PDZRN3: variants seen among roughly 807,000 people sequenced by gnomAD.
PDZRN3 encodes E3 ubiquitin-protein ligase PDZRN3.
In PDZRN3, 38 loss-of-function variants were observed where a neutral mutation model predicts 85.7. That is an observed-to-expected ratio of 0.44 (90% CI 0.34 to 0.58). The LOEUF is 0.58. Among genes scored for constraint, PDZRN3 ranks in the 20% least tolerant of loss-of-function variants. The probability of loss-of-function intolerance (pLI) is 0.01; values close to 1 mark genes in which losing one functional copy is unlikely to be tolerated. For synonymous variants in PDZRN3, 759 were observed against 638.0 expected (o/e 1.19, Z -2.86); for missense variants, 1,629 against 1,506.4 (o/e 1.08, Z -1.35).
At chr3:73,421,556 C>T (rs897751178) in intron 3 of PDZRN3, among the ~76,000 whole-genome samples, 6 of 152,212 alleles carry the variant, frequency 3.9e-5, no homozygotes, top group African/African-American at 1.4e-4. Flanking sequence ...AAATGGAATC[C>T]TTCTCCTGCT....
At chr3:73,483,338 T>C (rs1162702802) in intron 3 of PDZRN3, among the ~76,000 whole-genome samples, 1 of 152,178 alleles carries the variant, frequency 6.6e-6, no homozygotes, top group East Asian at 1.9e-4. Context: ...CTTAAACCCT[T>C]TTAGTTAGAT....
chr3:73,435,785 G>GT (rs1575652614), intron 3 of PDZRN3, among the ~76,000 whole-genome samples: 1 of 152,246 alleles, frequency 6.6e-6, no homozygotes, highest in East Asian at 1.9e-4. Context: ...TCCCTACACA[G>GT]TTGCCAGGCT....
intron 5 of PDZRN3, among the ~76,000 whole-genome samples, chr3:73,398,270 T>C (rs1701680197): frequency 1.3e-5 from 2 of 152,104 alleles, no homozygotes. Context: ...GTGGACAATA[T>C]TCGTGACTTG....
rs545620033 is a variant in PDZRN3, at chr3:73,506,787, C to T, written c.918+95567G>A. Among the ~76,000 whole-genome samples, 21 of 151,898 alleles carry T rather than the reference C, an allele frequency of 1.4e-4. No homozygotes were observed. In the South Asian group the frequency reaches 4.4e-3, roughly 32 times the overall value. On this transcript the variant is annotated intron_variant, in intron 3 of 9. Coordinates refer to ENST00000263666, the MANE Select transcript of PDZRN3 (RefSeq NM_015009.3). ...CAGGCACGGTGGCTCATGCCTGTAACCCCAGTACTTAGGGAGGTTGACGCA... is the reference window on the plus strand; with the variant it reads ...CAGGCACGGTGGCTCATGCCTGTAATCCCAGTACTTAGGGAGGTTGACGCA...
At chr3:73,463,532 A>G (rs1357719679) in intron 3 of PDZRN3, among the ~76,000 whole-genome samples, 1 of 152,212 alleles carries the variant, frequency 6.6e-6, no homozygotes, top group Non-Finnish European at 1.5e-5. Flanking sequence ...AAAATAACAG[A>G]TGCTGGCAAG....
intron 3 of PDZRN3, among the ~76,000 whole-genome samples, chr3:73,449,617 G>C (rs974509343): frequency 2.6e-5 from 4 of 152,050 alleles, no homozygotes; most frequent in African/African-American, 9.7e-5. Flanking sequence ...TTAAATAAGC[G>C]AACAACGCGT....
chr3:73,547,614 T>G (rs1170764062), intron 3 of PDZRN3, among the ~76,000 whole-genome samples: 1 of 152,240 alleles, frequency 6.6e-6, no homozygotes, highest in East Asian at 1.9e-4. Flanking sequence ...GAGGCTCAGC[T>G]GGAAATAACT....
At chr3:73,441,468 C>T (rs34717482) in intron 3 of PDZRN3, among the ~76,000 whole-genome samples, 15,346 of 139,794 alleles carry the variant, frequency 0.11, 1,065 homozygotes, top group Middle Eastern at 0.22. Flanking sequence ...CTGTACCAAA[C>T]GAGGCTGTGT....
In PDZRN3 at chr3:73,465,591, G is replaced by A. The variant is rs570056182; in HGVS notation, c.919-61196C>T. On this transcript the variant is annotated intron_variant, in intron 3 of 9. Coordinates refer to ENST00000263666, the MANE Select transcript of PDZRN3 (RefSeq NM_015009.3). ...TTATACAATGATGAAGCTAGCCCGC[G>A]GATGAGAAAACGGCTACCAGGAAGT... Among the ~76,000 whole-genome samples, 267 of 152,304 alleles carry A rather than the reference G, an allele frequency of 1.8e-3. 3 individuals are homozygous for A. The Middle Eastern group carries it at 0.058, about 33-fold the overall frequency.
At position 73,384,847 on chromosome 3, in the gene PDZRN3, C is replaced by G. The variant is rs1559647516; in HGVS notation, c.1719G>C (p.Arg573=). The change falls in exon 10 of 10, where the codon CGG becomes CGC. Residue 573 remains arginine, a synonymous_variant. Coordinates refer to ENST00000263666, the MANE Select transcript of PDZRN3 (RefSeq NM_015009.3). ...CGTCATTACGGGTGCTCTCGTCGGT[C>G]CGCCCCACACCGCTGTCCTTCTCGT... ...NQHEKDSGVG[R]TDESTRNDES... 5 of 1,614,172 alleles carry G rather than the reference C, an allele frequency of 3.1e-6. No homozygotes were observed. The highest frequency in any genetic ancestry group is 2.2e-5 in the East Asian group (1 of 44,874).
chr3:73,388,421 G>A (rs1004611517), intron 7 of PDZRN3, among the ~76,000 whole-genome samples: 1 of 152,154 alleles, frequency 6.6e-6, no homozygotes, highest in South Asian at 2.1e-4. Flanking sequence ...TCAGGCAGGA[G>A]TATATGTAGA....
intron 3 of PDZRN3, among the ~76,000 whole-genome samples, chr3:73,458,915 C>T (rs752698142): frequency 3.2e-4 from 49 of 151,534 alleles, no homozygotes; most frequent in Non-Finnish European, 5.4e-4. Context: ...TCGATTCAAC[C>T]CGGGAGGTGG....
chr3:73,476,522 A>T (rs1703451873), intron 3 of PDZRN3, among the ~76,000 whole-genome samples: 1 of 152,140 alleles, frequency 6.6e-6, no homozygotes, highest in Non-Finnish European at 1.5e-5. Flanking sequence ...CACAGAGCCA[A>T]ACCATATCAG....
intron 3 of PDZRN3, among the ~76,000 whole-genome samples, chr3:73,429,144 C>T (rs774035722): frequency 2.0e-5 from 3 of 152,086 alleles, no homozygotes; most frequent in East Asian, 1.9e-4. Flanking sequence ...CTCCTGGGCT[C>T]GAGCAATCCT....
At chr3:73,565,117 ATTTTTT>A (rs202184460) in intron 3 of PDZRN3, among the ~76,000 whole-genome samples, 10 of 138,940 alleles carry the variant, frequency 7.2e-5, no homozygotes, top group Non-Finnish European at 1.2e-4. Context: ...ATATCCACCA[ATTTTTT>A]TTTTTTTTTT....
chr3:73,388,002 T>C lies in PDZRN3; in HGVS notation c.1484A>G (p.Asn495Ser). ...VALLTSEENK[N>S]FSLLIARPEL... is the part of the protein sequence containing the mutation. Reference sequence around the variant, plus strand: ...AGGCCTTGCAATCAGCAATGAAAAGTTTTTATTTTCTTCACTGGTTAGAAG... The same window carrying C: ...AGGCCTTGCAATCAGCAATGAAAAGCTTTTATTTTCTTCACTGGTTAGAAG... The change falls in exon 8 of 10, where the codon AAC (asparagine) becomes AGC (serine). Residue 495 changes from asparagine (N) to serine (S), a missense_variant. Transcript: ENST00000263666. 6.2e-7 allele frequency: 1 copy of C among 1,601,280 alleles called. No homozygotes were observed. Among genetic ancestry groups the C allele is most frequent in the African/African-American group, 1.3e-5 (1 of 74,730 alleles).
chr3:73,499,248 G>C (rs1428336527), intron 3 of PDZRN3, among the ~76,000 whole-genome samples: 2 of 152,180 alleles, frequency 1.3e-5, no homozygotes, highest in Non-Finnish European at 2.9e-5. Flanking sequence ...GTGAAGACCG[G>C]CGAGTCCTGA....
At chr3:73,464,390 T>C (rs898725700) in intron 3 of PDZRN3, among the ~76,000 whole-genome samples, 2 of 152,330 alleles carry the variant, frequency 1.3e-5, no homozygotes, top group Admixed American at 6.5e-5. Context: ...ATTATTGGTA[T>C]AGAAAGTGCA....
Position 73,385,802 on chromosome 3 carries a change from C to CCAA in PDZRN3, c.1519-20_1519-18dup. ...CTCATCCAGCTGCAGGCAAGAGCAGCCAACACATGCCTTAGAAGTTTCCTT... is the reference window on the plus strand; with the variant it reads ...CTCATCCAGCTGCAGGCAAGAGCAGCCAACAACACATGCCTTAGAAGTTTCCTT... On this transcript the variant is annotated splice_polypyrimidine_tract_variant and intron_variant, in intron 8 of 9. Transcript: ENST00000263666. 7.5e-7 allele frequency: 1 copy of CCAA among 1,336,792 alleles called. No individual in the cohort carries two copies. The highest frequency in any genetic ancestry group is 1.2e-5 in the South Asian group (1 of 85,366). The allele number at this position is 1,336,792 out of a possible 1,614,324, so 82.8% of individuals were successfully genotyped here.
Sources: gnomAD v4.1 joint callset for allele counts (sites outside exome capture counted in the v4.1 genomes callset) on GRCh38, gnomAD v4.1.1 for gene constraint, MANE v1.5 for transcripts, NCBI Gene and HGNC (gene_info 2026-07-23, HGNC 2026-07-21) for gene names.